ELMO1: variants seen among roughly 807,000 people sequenced by gnomAD.
ELMO1 encodes the protein engulfment and cell motility 1, also known as engulfment and cell motility protein 1.
Under a neutral mutation model 98.9 loss-of-function variants are expected in ELMO1, and 26 were observed. The ratio of observed to expected loss-of-function variants is 0.26; its 90% CI spans 0.19 to 0.36. The LOEUF (loss-of-function observed/expected upper bound fraction) is 0.36. Ranked by LOEUF, ELMO1 falls within the 10% of genes least tolerant of loss-of-function variation. ELMO1 has a pLI of 1.00. For synonymous variants in ELMO1, 346 were observed against 346.0 expected (o/e 1.00, Z 0.00); for missense variants, 627 against 935.2 (o/e 0.67, Z 4.30).
Position 37,259,240 on chromosome 7 carries a change from C to T in ELMO1, c.354G>A (p.Gln118=), listed in dbSNP as rs1333758856. ...ASLSRDVTFA[Q]EFINLDGISL... is the part of the protein sequence containing the mutation. ...AGATACCGTCCAGGTTTATAAACTC[C>T]TGGGCAAACGTGACATCCCGGGAGA... Residue 118 remains glutamine (Q), a synonymous_variant, in exon 6 of 22, where the codon CAG becomes CAA. Transcript: ENST00000310758. 2 of 1,614,028 alleles carry T rather than the reference C, an allele frequency of 1.2e-6. No homozygotes were observed. Among genetic ancestry groups the T allele is most frequent in the African/African-American group, 2.7e-5 (2 of 74,902 alleles).
At chr7:36,982,161 T>C (rs1263484311) in intron 16 of ELMO1, among the ~76,000 whole-genome samples, 1 of 152,238 alleles carries the variant, frequency 6.6e-6, no homozygotes, top group East Asian at 1.9e-4. Context: ...AACTTTGATG[T>C]ATGTTTGGAA....
intron 15 of ELMO1, among the ~76,000 whole-genome samples, chr7:37,080,600 ATTT>A (rs764259726): frequency 9.5e-6 from 1 of 105,236 alleles, no homozygotes; most frequent in Non-Finnish European, 1.8e-5. Flanking sequence ...ACCACGCCTA[ATTT>A]TTTTTTTTTT....
intron 20 of ELMO1, among the ~76,000 whole-genome samples, chr7:36,864,313 T>C (rs1195964931): frequency 6.6e-6 from 1 of 152,178 alleles, no homozygotes; most frequent in African/African-American, 2.4e-5. Context: ...AGCTTTGCCC[T>C]TCTATGACAT....
At chr7:37,271,625 C>G (rs1359897405) in intron 5 of ELMO1, 7 of 541,536 alleles carry the variant, frequency 1.3e-5, no homozygotes, top group Admixed American at 3.5e-5. Context: ...ACAAGCTTGC[C>G]CTTCGCCTGG....
chr7:36,996,363 A>AT (rs895733072), intron 16 of ELMO1, among the ~76,000 whole-genome samples: 44 of 152,054 alleles, frequency 2.9e-4, no homozygotes, highest in Admixed American at 3.3e-4. Context: ...ATTATTAGCT[A>AT]TTTTTTTCAA....
chr7:37,026,935 T>C (rs1450463298), intron 15 of ELMO1, among the ~76,000 whole-genome samples: 1 of 152,144 alleles, frequency 6.6e-6, no homozygotes, highest in Non-Finnish European at 1.5e-5. Flanking sequence ...CCTTCCTTGG[T>C]TTCCTGCCTC....
Position 36,853,379 on chromosome 7 carries a change from T to A in ELMO1, c.*2172A>T, listed in dbSNP as rs1055335699. 6.6e-6 allele frequency among the ~76,000 whole-genome samples: 1 copy of A among 152,168 alleles called. No homozygotes were observed. Among genetic ancestry groups the A allele is most frequent in the Non-Finnish European group, 1.5e-5 (1 of 68,032 alleles). ...ACCCAGTGTCTCAGGACCTCAGAGATCCTGGTCCAGAAAGTTCCCTTTTTC... is the reference window on the plus strand; with the variant it reads ...ACCCAGTGTCTCAGGACCTCAGAGAACCTGGTCCAGAAAGTTCCCTTTTTC... On this transcript the variant is annotated 3_prime_UTR_variant, in exon 22 of 22. Coordinates refer to ENST00000310758, the MANE Select transcript of ELMO1 (RefSeq NM_014800.11).
At chr7:37,285,936 G>A (rs1797371827) in intron 4 of ELMO1, among the ~76,000 whole-genome samples, 1 of 152,060 alleles carries the variant, frequency 6.6e-6, no homozygotes, top group South Asian at 2.1e-4. Flanking sequence ...GCTTAAACAT[G>A]GGGTGCAATG....
Position 36,895,853 on chromosome 7 carries a change from T to A in ELMO1, c.1438-836A>T, listed in dbSNP as rs550036310. ...CAACAAGTGATACCATTTATAGGTA[T>A]CTATGTGCCAGATGCTGTGGTAGGT... On this transcript the variant is annotated intron_variant, in intron 16 of 21. Transcript: ENST00000310758. 1.2e-4 allele frequency among the ~76,000 whole-genome samples: 18 copies of A among 152,368 alleles called. 1 individual carries two copies. In the East Asian group the frequency reaches 3.3e-3, roughly 28 times the overall value.
intron 1 of ELMO1, among the ~76,000 whole-genome samples, chr7:37,395,124 G>A (rs1268955475): frequency 6.6e-6 from 1 of 152,134 alleles, no homozygotes; most frequent in Non-Finnish European, 1.5e-5. Context: ...CCAGCACTAT[G>A]GGAGGCCGAG....
intron 13 of ELMO1, among the ~76,000 whole-genome samples, chr7:37,196,014 T>C (rs1224094295): frequency 6.6e-6 from 1 of 152,212 alleles, no homozygotes. Flanking sequence ...TGGGTTATCA[T>C]GAAGCAGGAA....
intron 16 of ELMO1, among the ~76,000 whole-genome samples, chr7:36,997,262 C>T (rs528044759): frequency 2.2e-4 from 33 of 152,242 alleles, no homozygotes; most frequent in African/African-American, 7.9e-4. Flanking sequence ...AAGCTATTTC[C>T]AGGAGAGAAG....
At chr7:37,065,151 C>T (rs1181351759) in intron 15 of ELMO1, among the ~76,000 whole-genome samples, 1 of 151,864 alleles carries the variant, frequency 6.6e-6, no homozygotes, top group African/African-American at 2.4e-5. Context: ...AGCTATTGCC[C>T]TATCTCTTCA....
intron 1 of ELMO1, among the ~76,000 whole-genome samples, chr7:37,433,630 A>AG (rs896987503): frequency 2.0e-5 from 3 of 152,108 alleles, no homozygotes; most frequent in Non-Finnish European, 4.4e-5. Context: ...CTCACTTGTA[A>AG]GGGAAGAAAC....
chr7:37,061,461 C>T (rs1325340104), intron 15 of ELMO1, among the ~76,000 whole-genome samples: 1 of 152,148 alleles, frequency 6.6e-6, no homozygotes, highest in African/African-American at 2.4e-5. Flanking sequence ...AATTCAATCC[C>T]ATGGTGGTAG....
intron 16 of ELMO1, among the ~76,000 whole-genome samples, chr7:36,899,305 A>C (rs950486147): frequency 5.3e-5 from 8 of 152,174 alleles, no homozygotes; most frequent in Admixed American, 2.0e-4. Context: ...GGACGCTTAC[A>C]AAGTAGTCCT....
At chr7:37,355,571 C>T (rs73693508) in intron 1 of ELMO1, among the ~76,000 whole-genome samples, 2,290 of 152,266 alleles carry the variant, frequency 0.015, 56 homozygotes, top group African/African-American at 0.051. Flanking sequence ...TCTAGGTGAA[C>T]GATTGTGTTG....
intron 1 of ELMO1, among the ~76,000 whole-genome samples, chr7:37,343,682 A>G (rs1800839732): frequency 6.6e-6 from 1 of 152,112 alleles, no homozygotes; most frequent in Non-Finnish European, 1.5e-5. Flanking sequence ...AGGTTTCGCC[A>G]TGTTGGCCAG....
At chr7:36,959,419 C>T (rs1326099245) in intron 16 of ELMO1, among the ~76,000 whole-genome samples, 1 of 152,118 alleles carries the variant, frequency 6.6e-6, no homozygotes, top group African/African-American at 2.4e-5. Flanking sequence ...AAAATCTGGC[C>T]CCTGGCTAAT....
Sources: allele counts gnomAD v4.1 joint callset (sites outside exome capture counted in the v4.1 genomes callset), GRCh38; gene constraint gnomAD v4.1.1; transcripts MANE v1.5; gene names NCBI Gene and HGNC (gene_info 2026-07-23, HGNC 2026-07-21).